PPIH: variants seen among roughly 807,000 people sequenced by gnomAD.
The protein encoded by PPIH is peptidylprolyl isomerase H.
Under a neutral mutation model 27.6 loss-of-function variants are expected in PPIH, and 16 were observed. The ratio of observed to expected loss-of-function variants is 0.58; its 90% CI spans 0.39 to 0.88. The LOEUF (loss-of-function observed/expected upper bound fraction) is 0.88, where lower values mean the gene tolerates loss of function less well. Ranked by LOEUF, PPIH falls within the 40% of genes least tolerant of loss-of-function variation. The pLI is 0.00. For synonymous variants in PPIH, 63 were observed against 76.1 expected (o/e 0.83, Z 0.90); for missense variants, 155 against 224.1 (o/e 0.69, Z 1.97).
At chr1:42,662,209 C>G (rs955288252) in intron 5 of PPIH, among the ~76,000 whole-genome samples, 1 of 151,942 alleles carries the variant, frequency 6.6e-6, no homozygotes, top group East Asian at 1.9e-4. Context: ...GATCACTTGT[C>G]GATAACTCTG....
chr1:42,677,097 A>C (rs1202921213), downstream of PPIH, among the ~76,000 whole-genome samples: 3 of 152,302 alleles, frequency 2.0e-5, no homozygotes, highest in East Asian at 5.8e-4. Flanking sequence ...CTATCTACTT[A>C]CCTCAGAGCA....
chr1:42,675,952 C>T (rs751726725), intron 9 of PPIH, among the ~76,000 whole-genome samples: 12 of 152,192 alleles, frequency 7.9e-5, no homozygotes, highest in Non-Finnish European at 1.6e-4. Context: ...CCATGAAACC[C>T]CTTGGGACCC....
At chr1:42,660,757 G>C (rs1346593829) in intron 4 of PPIH, 105 bp from the exon 5 acceptor site, 3 of 1,010,288 alleles carry the variant, frequency 3.0e-6, no homozygotes, top group Non-Finnish European at 4.3e-6. Flanking sequence ...AATAGCCAAA[G>C]TGATAGTGTA....
At chr1:42,658,589 A>T in intron 1 of PPIH, 77 bp downstream of exon 1, 1 of 1,486,382 alleles carries the variant, frequency 6.7e-7, no homozygotes, top group East Asian at 2.3e-5. Context: ...TCACCCAGAG[A>T]GAGCGGACTC....
At chr1:42,659,160 C>T in intron 2 of PPIH, 68 bp from the exon 3 acceptor site, 4 of 1,601,086 alleles carry the variant, frequency 2.5e-6, no homozygotes, top group South Asian at 1.1e-5. Context: ...TTATTCTTTC[C>T]CGTATTTAGA....
At chr1:42,674,812 C>T (rs1481948539) in intron 9 of PPIH, among the ~76,000 whole-genome samples, 1 of 152,148 alleles carries the variant, frequency 6.6e-6, no homozygotes, top group Admixed American at 6.5e-5. Flanking sequence ...GCCTGCTGGG[C>T]ATGTGACACT....
rs530711613 is a variant in PPIH, at chr1:42,661,000, G to A, written c.243+96G>A. 1.7e-3 allele frequency: 1,981 copies of A among 1,165,538 alleles called. 30 individuals carry two copies. The South Asian group carries it at 0.018, about 11-fold the overall frequency. The allele number at this position is 1,165,538 out of a possible 1,614,324, so 72.2% of individuals were successfully genotyped here. On this transcript the variant is annotated intron_variant, in intron 5 of 9. Coordinates refer to ENST00000304979, the MANE Select transcript of PPIH (RefSeq NM_006347.4). The stretch of plus-strand genomic sequence containing the variant: ...TTTACTACAGAGACCCAGTCTTCAG[G>A]CTTGAGAACAATAGCCAGGTTTGAT...
At chr1:42,679,563 A>C (rs1313710276), downstream of PPIH, among the ~76,000 whole-genome samples, 7 of 152,248 alleles carry the variant, frequency 4.6e-5, no homozygotes, top group Non-Finnish European at 4.4e-5. Flanking sequence ...ATGAGTAAGT[A>C]ATGATACTTT....
At chr1:42,670,868 T>C (rs1340815501) in intron 9 of PPIH, among the ~76,000 whole-genome samples, 2 of 152,164 alleles carry the variant, frequency 1.3e-5, no homozygotes, top group Non-Finnish European at 1.5e-5. Context: ...CCGTCTTGGC[T>C]CACTGCAACC....
intron 5 of PPIH, 83 bp downstream of exon 5, chr1:42,660,987 AC>A: frequency 7.8e-7 from 1 of 1,275,402 alleles, no homozygotes; most frequent in Non-Finnish European, 1.1e-6. Flanking sequence ...TACTACAGAG[AC>A]CCAGTCTTCA....
At chr1:42,664,023 G>T (rs1215395548) in intron 5 of PPIH, among the ~76,000 whole-genome samples, 1 of 152,156 alleles carries the variant, frequency 6.6e-6, no homozygotes, top group African/African-American at 2.4e-5. Flanking sequence ...ATGAAAAATG[G>T]GGAAGATGAT....
At chr1:42,679,488 C>T (rs1025833455), downstream of PPIH, among the ~76,000 whole-genome samples, 1 of 152,258 alleles carries the variant, frequency 6.6e-6, no homozygotes, top group Admixed American at 6.5e-5. Context: ...TGGCTGCAAA[C>T]TAGTTTCTTA....
chr1:42,660,966 A>G (rs762732332), intron 5 of PPIH, 62 bp downstream of exon 5: 1 of 1,482,540 alleles, frequency 6.7e-7, no homozygotes, highest in South Asian at 1.1e-5. Context: ...TATTGTTGCA[A>G]TTGCTGTTTT....
At chr1:42,666,359 C>A (rs370343903) in intron 7 of PPIH, among the ~76,000 whole-genome samples, 188 bp from the exon 8 acceptor site, 5 of 152,172 alleles carry the variant, frequency 3.3e-5, no homozygotes, top group Non-Finnish European at 7.3e-5. Flanking sequence ...TGGAGTCACT[C>A]AGGTATAAGT....
At chr1:42,658,569 C>T in intron 1 of PPIH, 57 bp downstream of exon 1, 1 of 1,548,934 alleles carries the variant, frequency 6.5e-7, no homozygotes, top group South Asian at 1.1e-5. Flanking sequence ...CGGGGCTAGG[C>T]AGGCAGAACT....
intron 9 of PPIH, among the ~76,000 whole-genome samples, chr1:42,672,262 TTTGGA>T (rs1649678372): frequency 6.6e-6 from 1 of 152,100 alleles, no homozygotes. Flanking sequence ...ACTCAGTGGG[TTTGGA>T]TGGGGACTGA....
At chr1:42,673,895 A>T (rs762589522) in intron 9 of PPIH, among the ~76,000 whole-genome samples, 1 of 152,262 alleles carries the variant, frequency 6.6e-6, no homozygotes, top group African/African-American at 2.4e-5. Context: ...TGAAGATGCT[A>T]TTTGAATGAC....
chr1:42,675,248 C>T (rs1169541763), intron 9 of PPIH: 4 of 152,154 alleles, frequency 2.6e-5, no homozygotes, highest in Admixed American at 2.6e-4. Context: ...GAAATACATA[C>T]TGTTTATATG....
At position 42,676,399 on chromosome 1, in the gene PPIH, C is replaced by T. The variant is rs577440129; in HGVS notation, c.*22-185C>T. Reference sequence around the variant, plus strand: ...AGGAGAATTGCTTGAACCCGGGAGGCGGAGGTGGCAGTGAGCCGAGATCGC... The same window carrying T: ...AGGAGAATTGCTTGAACCCGGGAGGTGGAGGTGGCAGTGAGCCGAGATCGC... On this transcript the variant is annotated intron_variant, in intron 9 of 9. Coordinates refer to ENST00000304979, the MANE Select transcript of PPIH (RefSeq NM_006347.4). Among the ~76,000 whole-genome samples, 13 of 151,604 alleles carry T rather than the reference C, an allele frequency of 8.6e-5. No homozygotes were observed. The South Asian group carries it at 1.3e-3, about 15-fold the overall frequency.
Sources: gnomAD v4.1 joint callset for allele counts (sites outside exome capture counted in the v4.1 genomes callset) on GRCh38, gnomAD v4.1.1 for gene constraint, MANE v1.5 for transcripts, NCBI Gene and HGNC (gene_info 2026-07-23, HGNC 2026-07-21) for gene names.